STAB1: variants seen among roughly 807,000 people sequenced by gnomAD.
The protein encoded by STAB1 is stabilin 1, also known as stabilin-1.
In STAB1, 250 loss-of-function variants were observed where a neutral mutation model predicts 332.4. That is an observed-to-expected ratio of 0.75 (90% confidence interval 0.68 to 0.84). The LOEUF is 0.84. Among genes scored for constraint, STAB1 ranks in the 40% least tolerant of loss-of-function variants. The probability of loss-of-function intolerance (pLI) is 0.00; values close to 1 mark genes in which losing one functional copy is unlikely to be tolerated. For synonymous variants in STAB1, 1,475 were observed against 1,390.4 expected (o/e 1.06, Z -1.35); for missense variants, 3,249 against 3,489.7 (o/e 0.93, Z 1.74).
At position 52,518,308 on chromosome 3, in the gene STAB1, C is replaced by G. The variant is rs373715921; in HGVS notation, c.4762-4C>G. 2.2e-4 allele frequency: 357 copies of G among 1,612,558 alleles called. 1 individual carries two copies. The highest frequency in any genetic ancestry group is 1.7e-3 in the African/African-American group (126 of 74,924). Reference sequence around the variant, plus strand: ...CAAATCTGAGCTGACCCTCGCCCCCCCAGGAGCTCCTGAGGGATAAGCATG... The same window carrying G: ...CAAATCTGAGCTGACCCTCGCCCCCGCAGGAGCTCCTGAGGGATAAGCATG... On this transcript the variant is annotated splice_polypyrimidine_tract_variant and splice_region_variant and intron_variant, in intron 45 of 68. Transcript: ENST00000321725.
intron 34 of STAB1, 57 bp from the exon 35 acceptor site, chr3:52,514,644 A>C: frequency 1.2e-6 from 2 of 1,610,534 alleles, no homozygotes; most frequent in South Asian, 1.1e-5. Flanking sequence ...CTGACCTTAC[A>C]GCCCTGCCAG....
chr3:52,496,952 C>T (rs752546132), intron 1 of STAB1, among the ~76,000 whole-genome samples: 11 of 152,186 alleles, frequency 7.2e-5, no homozygotes, highest in Non-Finnish European at 1.3e-4. Context: ...TTCAACCAAC[C>T]CTGGATTGAA....
rs377162815 is a variant in STAB1 at position 52,503,773 on chromosome 3, C to T, written c.893C>T (p.Ala298Val). The change falls in exon 9 of 69, where the codon GCC becomes GTC. Residue 298 changes from alanine (A) to valine (V), a missense_variant and splice_region_variant. Physicochemically the swap from Ala to Val is moderately conservative, Grantham distance 64. Transcript: ENST00000321725. Reference protein sequence around the residue: ...TLCVYQKPGQAFCTCRPGLVS... With the variant: ...TLCVYQKPGQVFCTCRPGLVS... ...CCCTCCTGCCCTGTCGGGGGCCAGG[C>T]CTTCTGCACCTGCCGGCCAGGCCTG... The T allele has an allele frequency of 1.4e-5, 23 of 1,612,962 alleles. No individual in the cohort carries two copies. Among genetic ancestry groups the T allele is most frequent in the Non-Finnish European group, 1.8e-5 (21 of 1,180,016 alleles).
chr3:52,503,202 A>G, intron 7 of STAB1, 93 bp downstream of exon 7: 1 of 1,497,972 alleles, frequency 6.7e-7, no homozygotes, highest in Non-Finnish European at 9.1e-7. Context: ...TGTAATTCAC[A>G]AGGAGGGAGA....
rs2079141476 is a variant in STAB1, at chr3:52,523,254, G to A, written c.7053G>A (p.Arg2351=). The change falls in exon 64 of 69, where the codon CGG becomes CGA. Residue 2351 remains arginine (R), a synonymous_variant. Coordinates refer to ENST00000321725, the MANE Select transcript of STAB1 (RefSeq NM_015136.3). ...MLLGYANATQ[R]GLDFLDFLDD... ...TGGGCTATGCCAATGCCACCCAGCG[G>A]GGTCTCGACTTCCTGGACTTCCTGG... 6.2e-7 allele frequency: 1 copy of A among 1,613,222 alleles called. No homozygotes were observed. Among genetic ancestry groups the A allele is most frequent in the African/African-American group, 1.3e-5 (1 of 74,926 alleles).
At position 52,503,798 on chromosome 3, in the gene STAB1, G is replaced by A. The variant is rs1468410388; in HGVS notation, c.918G>A (p.Leu306=). The A allele has an allele frequency of 3.7e-6, 6 of 1,613,078 alleles. No homozygotes were observed. Among genetic ancestry groups the A allele is most frequent in the Non-Finnish European group, 5.1e-6 (6 of 1,180,022 alleles). ...CCTTCTGCACCTGCCGGCCAGGCCT[G>A]GTCAGCATCAACAGCAACGCTTCTG... ...GQAFCTCRPG[L]VSINSNASAG... is the part of the protein sequence containing the mutation. The change falls in exon 9 of 69, where the codon CTG becomes CTA. Residue 306 remains leucine, a synonymous_variant. Transcript: ENST00000321725.
Position 52,518,790 on chromosome 3 carries a change from G to T in STAB1, c.4955G>T (p.Arg1652Leu), listed in dbSNP as rs756023815. 9 of 1,612,036 alleles carry T rather than the reference G, an allele frequency of 5.6e-6. No individual in the cohort carries two copies. The highest frequency in any genetic ancestry group is 7.6e-6 in the Non-Finnish European group (9 of 1,179,770). The part of the protein sequence containing the change: ...VFRYHVVGCR[R>L]LRSEDLLEQG... ...CGCTACCACGTGGTTGGCTGTCGGC[G>T]GCTGCGGAGCGAGGACCTGCTGGAG... The change falls in exon 48 of 69, where the codon CGG becomes CTG. Residue 1652 changes from arginine to leucine, a missense_variant. Arg to Leu is a moderately radical substitution (Grantham distance 102). Coordinates refer to ENST00000321725, the MANE Select transcript of STAB1 (RefSeq NM_015136.3).
chr3:52,509,093 T>G, intron 21 of STAB1, 117 bp from the exon 22 acceptor site: 4 of 880,254 alleles, frequency 4.5e-6, no homozygotes, highest in Non-Finnish European at 6.8e-6. Context: ...CCTTCCAGGA[T>G]GAGCTCTCAC....
At position 52,506,252 on chromosome 3, in the gene STAB1, T is replaced by G; in HGVS notation, c.1830+2T>G. On this transcript the variant is annotated splice_donor_variant, in intron 17 of 68. Coordinates refer to ENST00000321725, the MANE Select transcript of STAB1 (RefSeq NM_015136.3). LOFTEE classifies it high-confidence loss of function. The stretch of plus-strand genomic sequence containing the variant: ...CTGGCTGTGAACATTTCTGAGGAGG[T>G]GAGGTGCACGGACACCTGGGCGGAT... 1 of 1,610,498 alleles carries G rather than the reference T, an allele frequency of 6.2e-7. No homozygotes were observed. Among genetic ancestry groups the G allele is most frequent in the Non-Finnish European group, 8.5e-7 (1 of 1,178,548 alleles).
At chr3:52,502,315 C>T in intron 5 of STAB1, 87 bp downstream of exon 5, 1 of 1,417,084 alleles carries the variant, frequency 7.1e-7, no homozygotes, top group Admixed American at 1.9e-5. Context: ...TCCCACCTGT[C>T]CCTTCAGCCT....
intron 3 of STAB1, 44 bp from the exon 4 acceptor site, chr3:52,501,962 C>T (rs375294087): frequency 6.5e-5 from 104 of 1,605,648 alleles, no homozygotes; most frequent in Non-Finnish European, 8.2e-5. Context: ...TCAGGGTAAG[C>T]GGAGGGTTCT....
intron 50 of STAB1, 41 bp from the exon 51 acceptor site, chr3:52,519,903 G>A (rs374274632): frequency 5.9e-6 from 9 of 1,534,118 alleles, no homozygotes; most frequent in Non-Finnish European, 7.9e-6. Context: ...ACTAGTCTCT[G>A]ACTGGGCAGC....
chr3:52,512,941 G>A lies in STAB1; in HGVS notation c.3141G>A (p.Thr1047=), dbSNP rs770887178. 2.4e-5 allele frequency: 38 copies of A among 1,610,392 alleles called. No homozygotes were observed. The highest frequency in any genetic ancestry group is 1.2e-4 in the South Asian group (11 of 90,946). The stretch of plus-strand genomic sequence containing the variant: ...GAGCTTTCTGGCTGCAGCCAAGGAC[G>A]CTGCCGAACCTGGTCAGGTGGGGCC... The part of the protein sequence containing the change: ...EDRAFWLQPR[T]LPNLVRAHFL... Residue 1047 remains threonine (T), a synonymous_variant, in exon 29 of 69, where the codon ACG becomes ACA. Coordinates refer to ENST00000321725, the MANE Select transcript of STAB1 (RefSeq NM_015136.3).
chr3:52,513,905 A>T lies in STAB1; in HGVS notation c.3371A>T (p.Asp1124Val), dbSNP rs771563657. The change falls in exon 32 of 69, where the codon GAT (aspartate) becomes GTT (valine). Residue 1124 changes from aspartate to valine, a missense_variant. Asp to Val is a radical substitution (Grantham distance 152). Transcript: ENST00000321725. Reference protein sequence around the residue: ...LSQVLLPPRGDVPGGQGLLQQ... With the variant: ...LSQVLLPPRGVVPGGQGLLQQ... ...CAGGTCTTACTGCCCCCCCGAGGGG[A>T]TGTGCCCGGTGGGCAGGGGTTGCTG... 6.9e-6 allele frequency: 11 copies of T among 1,604,616 alleles called. No homozygotes were observed. The highest frequency in any genetic ancestry group is 9.4e-6 in the Non-Finnish European group (11 of 1,173,394).
chr3:52,500,229 C>T lies in STAB1; in HGVS notation c.79-937C>T, dbSNP rs150731602. 4.5e-4 allele frequency among the ~76,000 whole-genome samples: 69 copies of T among 152,354 alleles called. 1 individual carries two copies. The highest frequency in any genetic ancestry group is 1.6e-3 in the African/African-American group (66 of 41,584). Reference sequence around the variant, plus strand: ...CATTTGTTTTTACTTCTTTCCACTCCCGGCCTTTGCTTCTGCTGTCCCCTA... The same window carrying T: ...CATTTGTTTTTACTTCTTTCCACTCTCGGCCTTTGCTTCTGCTGTCCCCTA... On this transcript the variant is annotated intron_variant, in intron 1 of 68. Coordinates refer to ENST00000321725, the MANE Select transcript of STAB1 (RefSeq NM_015136.3).
intron 27 of STAB1, 49 bp downstream of exon 27, chr3:52,512,485 A>G: frequency 6.2e-7 from 1 of 1,608,048 alleles, no homozygotes; most frequent in Non-Finnish European, 8.5e-7. Flanking sequence ...CTTGGGAAGG[A>G]GCCCTCTCCA....
chr3:52,513,055 G>A (rs1291579446), intron 29 of STAB1, 75 bp from the exon 30 acceptor site: 4 of 1,556,630 alleles, frequency 2.6e-6, no homozygotes, highest in Non-Finnish European at 3.5e-6. Context: ...ACCCCTTGGG[G>A]TGGGCCCAGC....
intron 1 of STAB1, among the ~76,000 whole-genome samples, chr3:52,497,070 C>T (rs571483619): frequency 1.3e-5 from 2 of 152,312 alleles, no homozygotes; most frequent in East Asian, 3.9e-4. Context: ...GGCGTGATCT[C>T]GGCTCAGTGA....
At position 52,522,340 on chromosome 3, in the gene STAB1, G is replaced by A. The variant is rs375503669; in HGVS notation, c.6476G>A (p.Arg2159His). The change falls in exon 60 of 69, where the codon CGC (arginine) becomes CAC (histidine). Residue 2159 changes from arginine (R) to histidine (H), a missense_variant. Arg to His is a conservative substitution (Grantham distance 29). Transcript: ENST00000321725. Reference sequence around the variant, plus strand: ...TCTCTCCAACCCCAGAACACACGGCGCTGTGAGTGCCACGCAGGCTACGTA... The same window carrying A: ...TCTCTCCAACCCCAGAACACACGGCACTGTGAGTGCCACGCAGGCTACGTA... ...NCLSTGLNTR[R>H]CECHAGYVGD... is the part of the protein sequence containing the mutation. 2.0e-5 allele frequency: 33 copies of A among 1,612,858 alleles called. No individual in the cohort carries two copies. Among genetic ancestry groups the A allele is most frequent in the East Asian group, 1.1e-4 (5 of 44,886 alleles).
Sources: allele counts gnomAD v4.1 joint callset (sites outside exome capture counted in the v4.1 genomes callset), GRCh38; gene constraint gnomAD v4.1.1; transcripts MANE v1.5; gene names NCBI Gene and HGNC (gene_info 2026-07-23, HGNC 2026-07-21).